RORB: variants seen among roughly 807,000 people sequenced by gnomAD.
The protein encoded by RORB is RAR related orphan receptor B, also known as nuclear receptor ROR-beta.
RORB carries 6 observed loss-of-function variants against 59.1 expected under a neutral mutation model. The observed-to-expected ratio is 0.10, with a 90% CI of 0.06 to 0.20. The LOEUF is 0.20. Ranked by LOEUF, RORB falls within the 10% of genes least tolerant of loss-of-function variation. The pLI is 1.00. For synonymous variants in RORB, 215 were observed against 204.5 expected, an observed-to-expected ratio of 1.05 and a Z score of -0.44; for missense variants, 320 against 560.5, an observed-to-expected ratio of 0.57 and a Z score of 4.33.
At chr9:74,596,818 G>C (rs1321191978) in intron 1 of RORB, among the ~76,000 whole-genome samples, 4 of 152,198 alleles carry the variant, frequency 2.6e-5, no homozygotes, top group African/African-American at 9.6e-5. Context: ...AAATGAAAGA[G>C]AATTTACAAC....
intron 1 of RORB, among the ~76,000 whole-genome samples, chr9:74,592,350 A>T (rs986640379): frequency 5.3e-5 from 8 of 152,210 alleles, no homozygotes; most frequent in African/African-American, 1.9e-4. Flanking sequence ...TTTTACATAC[A>T]TTAAGTGGGG....
chr9:74,501,493 G>A (rs1040450765), intron 1 of RORB, among the ~76,000 whole-genome samples: 4 of 151,958 alleles, frequency 2.6e-5, no homozygotes, highest in African/African-American at 9.7e-5. Flanking sequence ...AAAAAACATT[G>A]CTGGAAGGAC....
chr9:74,598,445 G>A (rs1213276149), intron 1 of RORB, among the ~76,000 whole-genome samples: 1 of 151,942 alleles, frequency 6.6e-6, no homozygotes, highest in African/African-American at 2.4e-5. Flanking sequence ...TCAGCATGTT[G>A]GACCCACACA....
At chr9:74,640,929 T>C (rs1417241863) in intron 3 of RORB, among the ~76,000 whole-genome samples, 1 of 152,196 alleles carries the variant, frequency 6.6e-6, no homozygotes, top group Non-Finnish European at 1.5e-5. Flanking sequence ...CTCTTCTGTG[T>C]TCCCTTTGTG....
intron 6 of RORB, among the ~76,000 whole-genome samples, 161 bp downstream of exon 6, chr9:74,662,767 C>G (rs1824209377): frequency 6.6e-6 from 1 of 152,138 alleles, no homozygotes; most frequent in South Asian, 2.1e-4. Context: ...TAAAAATGCC[C>G]TGATACTCAT....
chr9:74,595,022 A>G (rs1470809320), intron 1 of RORB, among the ~76,000 whole-genome samples: 3 of 152,194 alleles, frequency 2.0e-5, no homozygotes, highest in African/African-American at 7.2e-5. Context: ...GATGAAAACC[A>G]TCCTGAAGCC....
chr9:74,653,935 G>A (rs1824036613), intron 4 of RORB, among the ~76,000 whole-genome samples: 1 of 152,274 alleles, frequency 6.6e-6, no homozygotes. Context: ...TAACATCACA[G>A]TTATAAACAA....
chr9:74,569,550 T>C (rs1330761909), intron 1 of RORB, among the ~76,000 whole-genome samples: 2 of 152,104 alleles, frequency 1.3e-5, no homozygotes, highest in East Asian at 3.8e-4. Context: ...GATTAATTTA[T>C]AAATCGATGT....
intron 1 of RORB, among the ~76,000 whole-genome samples, chr9:74,572,062 A>C (rs576772776): frequency 6.6e-6 from 1 of 152,148 alleles, no homozygotes; most frequent in South Asian, 2.1e-4. Context: ...GCACCACCTG[A>C]GATATTAATT....
At chr9:74,626,413 A>G (rs1823517175) in intron 1 of RORB, among the ~76,000 whole-genome samples, 1 of 152,236 alleles carries the variant, frequency 6.6e-6, no homozygotes, top group East Asian at 1.9e-4. Context: ...TTAATACATA[A>G]CATTTTAACT....
At chr9:74,585,241 G>T (rs1035421605) in intron 1 of RORB, among the ~76,000 whole-genome samples, 1 of 152,144 alleles carries the variant, frequency 6.6e-6, no homozygotes, top group Non-Finnish European at 1.5e-5. Context: ...CTCAGGATGG[G>T]TCTGAAAACT....
At chr9:74,628,713 G>A (rs142813793) in intron 1 of RORB, among the ~76,000 whole-genome samples, 1 of 152,194 alleles carries the variant, frequency 6.6e-6, no homozygotes, top group Non-Finnish European at 1.5e-5. Flanking sequence ...CCAAGTGGCA[G>A]ATTGATATAC....
At position 74,497,665 on chromosome 9, in the gene RORB, A is replaced by G; in HGVS notation, c.-312A>G. On this transcript the variant is annotated 5_prime_UTR_variant, in exon 1 of 10. Transcript: ENST00000376896. ...GCAAGCACATTGGAGAGAAAGAAAA[A>G]GAAAAACAAAACCAAAACAAAACCC... 1 of 460,810 alleles carries G rather than the reference A, an allele frequency of 2.2e-6. No individual in the cohort carries two copies. Among genetic ancestry groups the G allele is most frequent in the Admixed American group, 3.5e-5 (1 of 28,332 alleles). 28.5% of individuals were successfully genotyped at this position (460,810 alleles called of 1,614,324 possible).
chr9:74,594,010 C>T (rs370694832), intron 1 of RORB, among the ~76,000 whole-genome samples: 6 of 152,190 alleles, frequency 3.9e-5, no homozygotes, highest in Middle Eastern at 3.4e-3. Flanking sequence ...TTTTAGAAAG[C>T]GCTCCATGCA....
chr9:74,641,574 C>T (rs899796355), intron 3 of RORB, among the ~76,000 whole-genome samples: 3 of 152,094 alleles, frequency 2.0e-5, no homozygotes, highest in Non-Finnish European at 4.4e-5. Flanking sequence ...TCACCCAGCC[C>T]CATGCCTTCG....
rs373678130 is a variant in RORB, at chr9:74,642,556, T to G, written c.378T>G (p.Ile126Met). Residue 126 changes from isoleucine (I) to methionine (M), a missense_variant, in exon 4 of 10, where the codon ATT becomes ATG. Around this residue, in one of 4 missense-constraint regions of RORB, gnomAD observed 134 missense variants for 156.2 expected, o/e 0.86. Coordinates refer to ENST00000376896, the MANE Select transcript of RORB (RefSeq NM_006914.4). ...TTGCCAGGGTGTACAGCAGCAGCAT[T>G]AGCAACGGCCTGAGCAACCTGAACA... ...EALARVYSSS[I>M]SNGLSNLNNE... 3.0e-5 allele frequency: 49 copies of G among 1,614,054 alleles called. No homozygotes were observed. Among genetic ancestry groups the G allele is most frequent in the Non-Finnish European group, 4.0e-5 (47 of 1,180,040 alleles).
chr9:74,662,881 G>A (rs992251177), intron 6 of RORB, among the ~76,000 whole-genome samples: 3 of 151,964 alleles, frequency 2.0e-5, no homozygotes, highest in Non-Finnish European at 4.4e-5. Flanking sequence ...AGTAATTAGC[G>A]TGTCAAGGTG....
At position 74,630,263 on chromosome 9, in the gene RORB, G is replaced by A; in HGVS notation, c.8-19G>A. 1 of 1,610,702 alleles carries A rather than the reference G, an allele frequency of 6.2e-7. No homozygotes were observed. Among genetic ancestry groups the A allele is most frequent in the South Asian group, 1.1e-5 (1 of 90,862 alleles). ...AAGAAAACATCTGTATGCTCAAAAT[G>A]TCTGTTTTCTCCTTTCAGCACAAAT... On this transcript the variant is annotated intron_variant, in intron 1 of 9. Coordinates refer to ENST00000376896, the MANE Select transcript of RORB (RefSeq NM_006914.4).
At chr9:74,615,590 C>G (rs1823300184) in intron 1 of RORB, 1 of 453,746 alleles carries the variant, frequency 2.2e-6, no homozygotes, top group Non-Finnish European at 4.4e-6. Flanking sequence ...CTTTTAATTG[C>G]TACGTCAAAA....
Sources: allele counts gnomAD v4.1 joint callset (sites outside exome capture counted in the v4.1 genomes callset), GRCh38; gene constraint gnomAD v4.1.1; regional missense constraint gnomAD v4.1.1; transcripts MANE v1.5; gene names NCBI Gene and HGNC (gene_info 2026-07-23, HGNC 2026-07-21).